The following IQCK variants were observed in gnomAD, a reference collection of about 807,000 sequenced individuals.
The protein encoded by IQCK is IQ domain-containing protein K.
Under a neutral mutation model 28.1 loss-of-function variants are expected in IQCK, and 29 were observed. The ratio of observed to expected loss-of-function variants is 1.03; its 90% CI spans 0.77 to 1.41. The LOEUF (loss-of-function observed/expected upper bound fraction) is 1.41, where lower values mean the gene tolerates loss of function less well. Among genes scored for constraint, IQCK ranks in the 40% most tolerant of loss-of-function variants. IQCK has a pLI of 0.00. For synonymous variants in IQCK, 113 were observed against 115.1 expected (o/e 0.98, Z 0.12); for missense variants, 359 against 314.7 (o/e 1.14, Z -1.07).
chr16:19,726,744 A>G (rs573641148), intron 1 of IQCK, among the ~76,000 whole-genome samples: 6 of 152,326 alleles, frequency 3.9e-5, no homozygotes, highest in African/African-American at 1.4e-4. Context: ...CTGTTCATCC[A>G]TTCGTTCATT....
At chr16:19,804,590 A>C (rs1247271821) in intron 7 of IQCK, among the ~76,000 whole-genome samples, 1 of 151,872 alleles carries the variant, frequency 6.6e-6, no homozygotes, top group East Asian at 2.0e-4. Flanking sequence ...GCTGTGAGCT[A>C]CTACACCAGC....
At chr16:19,739,083 G>A (rs2054797587) in intron 4 of IQCK, among the ~76,000 whole-genome samples, 2 of 152,290 alleles carry the variant, frequency 1.3e-5, no homozygotes, top group African/African-American at 2.4e-5. Flanking sequence ...GCAAGGCCAA[G>A]CCCAGCATGC....
chr16:19,783,545 T>A (rs190363384), intron 6 of IQCK, among the ~76,000 whole-genome samples: 16,938 of 152,164 alleles, frequency 0.11, 1,354 homozygotes, highest in South Asian at 0.27. Context: ...TGATGAGCAG[T>A]CGCCTCTTTA....
At chr16:19,828,635 G>A (rs1026980601), downstream of IQCK, among the ~76,000 whole-genome samples, 1 of 150,614 alleles carries the variant, frequency 6.6e-6, no homozygotes, top group South Asian at 2.1e-4. Context: ...CTAGGACTTC[G>A]GGGGCCTGAG....
intron 9 of IQCK, among the ~76,000 whole-genome samples, chr16:19,836,658 C>T (rs774468872): frequency 8.5e-5 from 13 of 152,182 alleles, no homozygotes; most frequent in Admixed American, 3.9e-4. Context: ...GGACTACAGG[C>T]GCACGCCACC....
At chr16:19,806,429 T>C (rs934629397) in intron 7 of IQCK, among the ~76,000 whole-genome samples, 8 of 151,990 alleles carry the variant, frequency 5.3e-5, no homozygotes, top group Non-Finnish European at 1.0e-4. Flanking sequence ...CTCACACCTG[T>C]AATTTCAGCA....
At chr16:19,782,193 A>G (rs1357287003) in intron 6 of IQCK, among the ~76,000 whole-genome samples, 3 of 151,760 alleles carry the variant, frequency 2.0e-5, no homozygotes, top group Non-Finnish European at 4.4e-5. Context: ...TTGTGCTTTC[A>G]TGTTCCAAGA....
intron 1 of IQCK, among the ~76,000 whole-genome samples, chr16:19,719,235 C>G (rs74013812): frequency 1.5e-3 from 228 of 152,166 alleles, no homozygotes; most frequent in African/African-American, 5.3e-3. Flanking sequence ...AAAAAAAACA[C>G]AAACTGCTCG....
At chr16:19,798,425 T>A (rs201851990) in intron 7 of IQCK, among the ~76,000 whole-genome samples, 6,982 of 117,092 alleles carry the variant, frequency 0.06, 685 homozygotes, top group South Asian at 0.2. Context: ...ACAAAAAATA[T>A]ATATATATAT....
chr16:19,818,364 G>A (rs1236345442), intron 7 of IQCK, among the ~76,000 whole-genome samples: 3 of 152,108 alleles, frequency 2.0e-5, no homozygotes, highest in African/African-American at 7.2e-5. Context: ...GTGTGTGTGT[G>A]TGTATACACA....
At chr16:19,776,181 C>T (rs948457055) in intron 6 of IQCK, among the ~76,000 whole-genome samples, 1 of 152,080 alleles carries the variant, frequency 6.6e-6, no homozygotes. Context: ...GCACCTGGCC[C>T]ACAGGCATAT....
intron 4 of IQCK, among the ~76,000 whole-genome samples, chr16:19,746,730 G>A (rs1368369681): frequency 6.6e-6 from 1 of 152,178 alleles, no homozygotes; most frequent in Non-Finnish European, 1.5e-5. Flanking sequence ...TCTGACCTGA[G>A]GGTGACCCAA....
chr16:19,774,395 A>C (rs2055361088), intron 6 of IQCK, among the ~76,000 whole-genome samples: 1 of 141,086 alleles, frequency 7.1e-6, no homozygotes, highest in African/African-American at 2.9e-5. Context: ...TATTTAGCTA[A>C]TACTTTTTTT....
chr16:19,856,762 C>A, exon 10 of IQCK: 1 of 542,012 alleles, frequency 1.8e-6, no homozygotes. Flanking sequence ...TGCATTATCC[C>A]CACATTTTAT....
chr16:19,823,550 G>A (rs186567051), intron 7 of IQCK, among the ~76,000 whole-genome samples: 150 of 152,214 alleles, frequency 9.9e-4, no homozygotes, highest in African/African-American at 3.4e-3. Flanking sequence ...AGCACTGACC[G>A]GGGCATGTGG....
At chr16:19,772,110 G>T (rs1191951192) in intron 6 of IQCK, among the ~76,000 whole-genome samples, 1 of 152,182 alleles carries the variant, frequency 6.6e-6, no homozygotes, top group Non-Finnish European at 1.5e-5. Flanking sequence ...TCTAGACTGG[G>T]CCCAGGGGAT....
chr16:19,775,508 A>G (rs1369013811), intron 6 of IQCK, among the ~76,000 whole-genome samples: 1 of 152,220 alleles, frequency 6.6e-6, no homozygotes, highest in Non-Finnish European at 1.5e-5. Flanking sequence ...TTTAACTTAC[A>G]TCGCAACCCT....
chr16:19,735,489 C>T, intron 4 of IQCK, 39 bp downstream of exon 4: 2 of 1,412,570 alleles, frequency 1.4e-6, no homozygotes, highest in Non-Finnish European at 2.0e-6. Flanking sequence ...TTGAGATTCT[C>T]AATCATTCAT....
intron 6 of IQCK, among the ~76,000 whole-genome samples, chr16:19,783,904 T>G (rs569971061): frequency 6.6e-6 from 1 of 152,314 alleles, no homozygotes; most frequent in East Asian, 1.9e-4. Flanking sequence ...GCCCTCTGTT[T>G]GGGCTCACCC....
Sources: gnomAD v4.1 joint callset for allele counts (sites outside exome capture counted in the v4.1 genomes callset) on GRCh38, gnomAD v4.1.1 for gene constraint, MANE v1.5 for transcripts, NCBI Gene and HGNC (gene_info 2026-07-23, HGNC 2026-07-21) for gene names.